The following CENPI variants were observed in gnomAD, a reference collection of about 807,000 sequenced individuals.
CENPI encodes centromere protein I, also known as FSH primary response 1.
A neutral mutation model predicts 60.4 loss-of-function variants in CENPI; 4 were observed. The observed-to-expected ratio is 0.07, with a 90% CI of 0.03 to 0.15. The LOEUF (loss-of-function observed/expected upper bound fraction) is 0.15. Ranked by LOEUF, CENPI falls within the 10% of genes least tolerant of loss-of-function variation. The pLI is 1.00. For synonymous variants in CENPI, 157 were observed against 189.4 expected (o/e 0.83, Z 1.40); for missense variants, 444 against 534.5 (o/e 0.83, Z 1.67).
intron 4 of CENPI, among the ~76,000 whole-genome samples, chrX:101,108,055 A>C (rs1177508528): frequency 9.1e-6 from 1 of 109,399 alleles, no homozygotes; most frequent in African/African-American, 3.3e-5. Context: ...GTGCCCGGCA[A>C]AATTCATTGT....
At chrX:101,166,917 A>G (rs765801961), downstream of CENPI, among the ~76,000 whole-genome samples, 20 of 111,251 alleles carry the variant, frequency 1.8e-4, no homozygotes, top group African/African-American at 5.9e-4. Flanking sequence ...ATGCCACCAC[A>G]CCCAGCTAAT....
rs1196225523 is a variant in CENPI, at chrX:101,101,277, A to G, written c.207A>G (p.Ala69=). 2 of 1,190,346 alleles carry G rather than the reference A, an allele frequency of 1.7e-6. No homozygotes were observed. Among genetic ancestry groups the G allele is most frequent in the African/African-American group, 1.8e-5 (1 of 56,987 alleles). Residue 69 remains alanine (A), a synonymous_variant, in exon 3 of 22, where the codon GCA becomes GCG. Coordinates refer to ENST00000682095, the MANE Select transcript of CENPI (RefSeq NM_001386188.2). ...DQAEEDALQM[A]VGYFEKGPIK... Reference sequence around the variant, plus strand: ...CTGAAGAAGATGCTTTGCAAATGGCAGTGGGATATTTTGAGAAAGGTAAAG... The same window carrying G: ...CTGAAGAAGATGCTTTGCAAATGGCGGTGGGATATTTTGAGAAAGGTAAAG...
intron 4 of CENPI, among the ~76,000 whole-genome samples, chrX:101,103,766 C>G (rs1351596898): frequency 1.8e-5 from 2 of 111,579 alleles, no homozygotes; most frequent in African/African-American, 3.3e-5. Flanking sequence ...GTGTTTGGGC[C>G]AAAAGTTTCT....
chrX:101,102,672 T>G (rs1251828802), intron 4 of CENPI, among the ~76,000 whole-genome samples: 1 of 105,193 alleles, frequency 9.5e-6, no homozygotes, highest in East Asian at 3.0e-4. Context: ...GAGGGGGATG[T>G]TGTTTTGTTT....
chrX:101,157,955 C>T (rs1444281200), intron 20 of CENPI, among the ~76,000 whole-genome samples: 1 of 111,204 alleles, frequency 9.0e-6, no homozygotes, highest in African/African-American at 3.3e-5. Flanking sequence ...ATACCTGTCC[C>T]CCACCCGCTT....
intron 15 of CENPI, among the ~76,000 whole-genome samples, chrX:101,139,585 C>T (rs2089891763): frequency 8.9e-6 from 1 of 112,135 alleles, no homozygotes; most frequent in Non-Finnish European, 1.9e-5. Flanking sequence ...CTAGAACATA[C>T]TTCTAACCTG....
At chrX:101,132,102 C>A in intron 13 of CENPI, 88 bp from the exon 14 acceptor site, 1 of 645,875 alleles carries the variant, frequency 1.5e-6, no homozygotes, top group Non-Finnish European at 2.4e-6. Flanking sequence ...AGTGAAGCAA[C>A]TATAGCACAA....
the CENPI span, among the ~76,000 whole-genome samples, chrX:101,172,038 A>G: frequency 1.1e-3 from 127 of 112,296 alleles, no homozygotes; most frequent in African/African-American, 3.9e-3. Context: ...CGAATGGATA[A>G]TAAGAACATG....
rs1181228497 is a variant in CENPI at position 101,123,479 on chromosome X, A to G, written c.687+2695A>G. Among the ~76,000 whole-genome samples the G allele has an allele frequency of 1.8e-4, 20 of 111,989 alleles. No homozygotes were observed. The Admixed American group carries it at 1.9e-3, about 11-fold the overall frequency. On this transcript the variant is annotated intron_variant, in intron 8 of 21. Transcript: ENST00000682095. ...CTCTACCGGGCATGAGCCTGTGTGT[A>G]TGCACTTTGGGCTGTGATTTTTTTC...
intron 3 of CENPI, 72 bp downstream of exon 3, chrX:101,101,368 T>A (rs1785546880): frequency 1.3e-6 from 1 of 794,261 alleles, no homozygotes; most frequent in Non-Finnish European, 1.8e-6. Flanking sequence ...TTCTTAAGAA[T>A]TTTTAAAGGA....
At chrX:101,120,580 C>G (rs2089666679) in intron 7 of CENPI, 130 bp downstream of exon 7, 4 of 613,725 alleles carry the variant, frequency 6.5e-6, no homozygotes, top group Middle Eastern at 7.5e-4. Context: ...CTTTTTAGTA[C>G]TTTAAGAGCA....
rs1352078502 is a variant in CENPI, at chrX:101,164,032, A to G, written c.*1065A>G. ...CGAGACTCTGTCTCAAAAAAAAAAA[A>G]AAAAATTACCTCAATGCTATTGAAT... On this transcript the variant is annotated 3_prime_UTR_variant, in exon 22 of 22. Transcript: ENST00000682095. Among the ~76,000 whole-genome samples, 5 of 111,183 alleles carry G rather than the reference A, an allele frequency of 4.5e-5. No homozygotes were observed. Among genetic ancestry groups the G allele is most frequent in the Non-Finnish European group, 7.5e-5 (4 of 53,002 alleles).
intron 20 of CENPI, among the ~76,000 whole-genome samples, chrX:101,154,616 C>T (rs2090036803): frequency 9.0e-6 from 1 of 111,133 alleles, no homozygotes; most frequent in Non-Finnish European, 1.9e-5. Flanking sequence ...GATCCAGCTG[C>T]GATTCTGATA....
intron 15 of CENPI, among the ~76,000 whole-genome samples, chrX:101,138,482 C>T (rs897453876): frequency 2.7e-5 from 3 of 109,901 alleles, no homozygotes; most frequent in African/African-American, 1.0e-4. Flanking sequence ...GGATTACAGA[C>T]ATGCCCAGCT....
intron 4 of CENPI, 117 bp downstream of exon 4, chrX:101,102,528 T>TAC: frequency 4.2e-6 from 1 of 239,414 alleles, no homozygotes; most frequent in East Asian, 6.0e-5. Flanking sequence ...TATATATATA[T>TAC]ACTTTTTTTT....
the CENPI span, among the ~76,000 whole-genome samples, chrX:101,181,209 C>G: frequency 9.1e-5 from 10 of 110,112 alleles, no homozygotes; most frequent in Admixed American, 9.7e-5. Context: ...TGTTATTGTA[C>G]CTTTGTGATA....
At chrX:101,120,844 C>A in intron 8 of CENPI, 60 bp downstream of exon 8, 3 of 880,369 alleles carry the variant, frequency 3.4e-6, no homozygotes, top group Non-Finnish European at 4.9e-6. Flanking sequence ...CTGAGCCAGG[C>A]ATTGGGAATA....
intron 8 of CENPI, among the ~76,000 whole-genome samples, chrX:101,121,024 C>T (rs1373596146): frequency 1.8e-5 from 2 of 109,623 alleles, no homozygotes; most frequent in African/African-American, 3.3e-5. Flanking sequence ...TATAGGCACG[C>T]GTCACCACAC....
At chrX:101,147,391 C>T (rs760422857) in intron 18 of CENPI, among the ~76,000 whole-genome samples, 12 of 109,743 alleles carry the variant, frequency 1.1e-4, no homozygotes, top group East Asian at 5.8e-4. Context: ...CCTTGACCCC[C>T]GACCCCCGAC....
Sources: gnomAD v4.1 joint callset for allele counts (sites outside exome capture counted in the v4.1 genomes callset) on GRCh38, gnomAD v4.1.1 for gene constraint, MANE v1.5 for transcripts, NCBI Gene and HGNC (gene_info 2026-07-23, HGNC 2026-07-21) for gene names.